CCDC169: variants seen among roughly 807,000 people sequenced by gnomAD.
CCDC169 encodes the protein coiled-coil domain-containing protein 169.
A neutral mutation model predicts 36.0 loss-of-function variants in CCDC169; 30 were observed. The observed-to-expected ratio is 0.83, with a 90% confidence interval of 0.62 to 1.13. The LOEUF is 1.13. Among genes scored for constraint, CCDC169 ranks in the 50% most tolerant of loss-of-function variants. The pLI is 0.00. For synonymous variants in CCDC169, 85 were observed against 81.5 expected (o/e 1.04, Z -0.23); for missense variants, 245 against 245.9 (o/e 1.00, Z 0.03).
intron 7 of CCDC169, among the ~76,000 whole-genome samples, chr13:36,233,518 T>C (rs59815109): frequency 0.41 from 61,359 of 151,438 alleles, 13,180 homozygotes; most frequent in Non-Finnish European, 0.48. Context: ...ACTTTAAATC[T>C]ACTATTTTAA....
chr13:36,290,525 G>A (rs780157064), intron 2 of CCDC169, among the ~76,000 whole-genome samples: 2 of 151,896 alleles, frequency 1.3e-5, no homozygotes, highest in African/African-American at 2.4e-5. Context: ...AGGGGCTATC[G>A]CAGAAGTGTA....
chr13:36,239,932 T>G (rs1316672874), intron 7 of CCDC169, among the ~76,000 whole-genome samples: 1 of 152,170 alleles, frequency 6.6e-6, no homozygotes, highest in Non-Finnish European at 1.5e-5. Context: ...CATATAACTT[T>G]TATTACAGTA....
At chr13:36,264,909 G>A (rs930731563) in intron 4 of CCDC169, among the ~76,000 whole-genome samples, 2 of 152,198 alleles carry the variant, frequency 1.3e-5, no homozygotes, top group Admixed American at 6.5e-5. Flanking sequence ...TGTTACATGT[G>A]AGCTTGAGAA....
At chr13:36,297,233 C>A (rs1879618910) in intron 1 of CCDC169, among the ~76,000 whole-genome samples, 1 of 151,744 alleles carries the variant, frequency 6.6e-6, no homozygotes, top group Admixed American at 6.6e-5. Context: ...TACTAAATGT[C>A]ATTTTATGAA....
chr13:36,237,099 T>G (rs1410888655), intron 7 of CCDC169, among the ~76,000 whole-genome samples: 1 of 151,964 alleles, frequency 6.6e-6, no homozygotes, highest in Non-Finnish European at 1.5e-5. Context: ...TTCCCCAATT[T>G]TTTTTGATCC....
intron 7 of CCDC169, among the ~76,000 whole-genome samples, chr13:36,240,875 T>C (rs939295811): frequency 6.6e-6 from 1 of 152,110 alleles, no homozygotes; most frequent in Non-Finnish European, 1.5e-5. Flanking sequence ...ACAAAACTTA[T>C]ACTAAAAAGA....
chr13:36,247,555 G>A (rs912168868), intron 7 of CCDC169, among the ~76,000 whole-genome samples: 1 of 152,186 alleles, frequency 6.6e-6, no homozygotes, highest in Admixed American at 6.5e-5. Flanking sequence ...AGATGACTAT[G>A]AGGGGTGCAA....
At position 36,231,418 on chromosome 13, in the gene CCDC169, C is replaced by A; in HGVS notation, c.546-126G>T. On this transcript the variant is annotated intron_variant, in intron 7 of 7. Transcript: ENST00000239859. ...CCCCAACAGACCTTCACACGGAAAC[C>A]TTCCTGTGAATAGTTTCTGCTTACA... 4 of 861,202 alleles carry A rather than the reference C, an allele frequency of 4.6e-6. No homozygotes were observed. In the African/African-American group the frequency reaches 5.1e-5, roughly 11 times the overall value. 53.3% of individuals were successfully genotyped at this position (861,202 alleles called of 1,614,324 possible).
rs1336492687 is a variant in CCDC169 at position 36,239,951 on chromosome 13, T to C, written c.545+8655A>G. On this transcript the variant is annotated intron_variant, in intron 7 of 7. Coordinates refer to ENST00000239859, the MANE Select transcript of CCDC169 (RefSeq NM_001144981.3). ...TAACTTTTATTACAGTATGCTGTTA[T>C]AATTAAGTTGTATTATTAGTTACTG... Among the ~76,000 whole-genome samples the C allele has an allele frequency of 2.0e-5, 3 of 152,196 alleles. No individual in the cohort carries two copies. In the East Asian group the frequency reaches 5.8e-4, roughly 29 times the overall value.
intron 4 of CCDC169, among the ~76,000 whole-genome samples, chr13:36,266,644 T>A (rs1875357092): frequency 6.6e-6 from 1 of 152,228 alleles, no homozygotes; most frequent in African/African-American, 2.4e-5. Flanking sequence ...CAAGGCTTTC[T>A]CGTTTCACAT....
chr13:36,295,175 T>A (rs1299524170), intron 2 of CCDC169, among the ~76,000 whole-genome samples: 1 of 152,204 alleles, frequency 6.6e-6, no homozygotes, highest in African/African-American at 2.4e-5. Flanking sequence ...TTTTCATTTA[T>A]CCTTACATAG....
chr13:36,230,777 G>T lies in CCDC169; in HGVS notation c.*416C>A. ...AAACTTAAAATGGACTTGATTTTCG[G>T]CTTTGTTTAAACCTGCAATTTAAAA... On this transcript the variant is annotated 3_prime_UTR_variant, in exon 8 of 8. Transcript: ENST00000239859. 1.0e-6 allele frequency: 1 copy of T among 986,698 alleles called. No homozygotes were observed. The highest frequency in any genetic ancestry group is 1.2e-6 in the Non-Finnish European group (1 of 830,982). 61.1% of individuals were successfully genotyped at this position (986,698 alleles called of 1,614,324 possible). A position where few individuals can be genotyped will look rare whatever the true frequency, so the allele number is the denominator to read the frequency against.
At chr13:36,295,976 G>A (rs1428928504) in intron 1 of CCDC169, 119 bp from the exon 2 acceptor site, 5 of 601,386 alleles carry the variant, frequency 8.3e-6, no homozygotes, top group Non-Finnish European at 1.4e-5. Context: ...ATTTACTGAA[G>A]GACTGGTTAA....
chr13:36,267,990 C>A (rs998601770), intron 4 of CCDC169, among the ~76,000 whole-genome samples: 1 of 152,012 alleles, frequency 6.6e-6, no homozygotes, highest in African/African-American at 2.4e-5. Context: ...AAAATTACTA[C>A]TAGATCTAAG....
At chr13:36,236,299 G>C (rs998166309) in intron 7 of CCDC169, among the ~76,000 whole-genome samples, 4 of 152,102 alleles carry the variant, frequency 2.6e-5, no homozygotes, top group Non-Finnish European at 1.5e-5. Context: ...CATAAGGATA[G>C]AGTTATAGAT....
Position 36,253,789 on chromosome 13 carries a change from TAA to T in CCDC169, c.468+12_468+13del, listed in dbSNP as rs536585049. On this transcript the variant is annotated intron_variant, in intron 6 of 7. Transcript: ENST00000239859. ...AGAAGAAACACTTAGAATTTGGAAATAAAAAAGAGTTACCTGAGACATTTCAG... is the reference window on the plus strand; with the variant it reads ...AGAAGAAACACTTAGAATTTGGAAATAAAAGAGTTACCTGAGACATTTCAG... 95 of 1,542,346 alleles carry T rather than the reference TAA, an allele frequency of 6.2e-5. No individual in the cohort carries two copies. The highest frequency in any genetic ancestry group is 3.4e-4 in the Middle Eastern group (2 of 5,916).
downstream of CCDC169, chr13:36,223,047 T>C (rs1431589814): frequency 2.0e-5 from 3 of 152,204 alleles, no homozygotes; most frequent in Admixed American, 6.5e-5. Context: ...TATAAGCTCA[T>C]TGAACACCAT....
chr13:36,251,698 A>G (rs753796509), intron 6 of CCDC169, among the ~76,000 whole-genome samples: 21 of 152,146 alleles, frequency 1.4e-4, no homozygotes, highest in Non-Finnish European at 2.8e-4. Flanking sequence ...GTGAAAGGGA[A>G]TAGAAAGCAT....
At chr13:36,243,638 C>T (rs1312434054) in intron 7 of CCDC169, among the ~76,000 whole-genome samples, 1 of 152,070 alleles carries the variant, frequency 6.6e-6, no homozygotes, top group African/African-American at 2.4e-5. Flanking sequence ...GAAACCCTGT[C>T]TCTACTAAAA....
Sources: gnomAD v4.1 joint callset for allele counts (sites outside exome capture counted in the v4.1 genomes callset) on GRCh38, gnomAD v4.1.1 for gene constraint, MANE v1.5 for transcripts, NCBI Gene and HGNC (gene_info 2026-07-23, HGNC 2026-07-21) for gene names.